Variants in TNN observed in about 807,000 individuals in gnomAD.
TNN encodes the protein tenascin N.
A neutral mutation model predicts 134.4 loss-of-function variants in TNN; 122 were observed. The ratio of observed to expected loss-of-function variants is 0.91; its 90% CI spans 0.78 to 1.06. The LOEUF (loss-of-function observed/expected upper bound fraction) is 1.06, where lower values mean the gene tolerates loss of function less well. Among genes scored for constraint, TNN ranks in the 50% least tolerant of loss-of-function variants. The pLI, the probability that TNN is intolerant of heterozygous loss-of-function variation, is 0.00. For missense variants in TNN, 1,739 were observed against 1,699.4 expected (o/e 1.02, Z -0.41); for synonymous variants, 710 against 670.3 (o/e 1.06, Z -0.91).
chr1:175,132,065 C>A (rs1675688507), intron 15 of TNN, among the ~76,000 whole-genome samples: 1 of 151,922 alleles, frequency 6.6e-6, no homozygotes, highest in African/African-American at 2.4e-5. Flanking sequence ...TTGAGCCTGA[C>A]CTTGTGGTGG....
At chr1:175,105,765 A>T (rs1001164742) in intron 9 of TNN, among the ~76,000 whole-genome samples, 1 of 145,364 alleles carries the variant, frequency 6.9e-6, no homozygotes, top group Non-Finnish European at 1.5e-5. Context: ...ATGCATTTCA[A>T]GGGTGAACCT....
At position 175,098,416 on chromosome 1, in the gene TNN, T is replaced by C. The variant is rs777033120; in HGVS notation, c.1940T>C (p.Ile647Thr). 3 of 1,614,086 alleles carry C rather than the reference T, an allele frequency of 1.9e-6. No individual in the cohort carries two copies. The highest frequency in any genetic ancestry group is 2.5e-6 in the Non-Finnish European group (3 of 1,180,012). ...TCCTGGGACCCGGTGCAGGCCGCCA[T>C]TGACAAGTACGTGGTGCGCTACACC... The part of the protein sequence containing the change: ...TVSWDPVQAA[I>T]DKYVVRYTSA... Residue 647 changes from isoleucine (I) to threonine (T), a missense_variant, in exon 9 of 19, where the codon ATT (isoleucine) becomes ACT (threonine). Physicochemically the swap from Ile to Thr is moderately conservative, Grantham distance 89 (BLOSUM62 -1). Coordinates refer to ENST00000239462, the MANE Select transcript of TNN (RefSeq NM_022093.2).
At chr1:175,146,355 T>C (rs1007011068) in intron 18 of TNN, among the ~76,000 whole-genome samples, 1 of 152,216 alleles carries the variant, frequency 6.6e-6, no homozygotes. Context: ...ATAAAATTGG[T>C]CACTTGGGCT....
intron 6 of TNN, 108 bp downstream of exon 6, chr1:175,085,602 G>A (rs1230140974): frequency 3.6e-6 from 3 of 827,960 alleles, no homozygotes; most frequent in Non-Finnish European, 6.0e-6. Context: ...CAGACAGACG[G>A]GGTGGCTCAC....
intron 9 of TNN, among the ~76,000 whole-genome samples, chr1:175,110,374 T>G (rs1203540174): frequency 1.3e-5 from 2 of 152,256 alleles, no homozygotes; most frequent in African/African-American, 4.8e-5. Flanking sequence ...TTCAGCTTGA[T>G]GTATTTCCAT....
Position 175,077,794 on chromosome 1 carries a change from T to C in TNN, c.376T>C (p.Cys126Arg). The C allele has an allele frequency of 3.1e-6, 5 of 1,613,956 alleles. No homozygotes were observed. Among genetic ancestry groups the C allele is most frequent in the Non-Finnish European group, 4.2e-6 (5 of 1,179,864 alleles). The change falls in exon 2 of 19, where the codon TGT becomes CGT. Residue 126 changes from cysteine (C) to arginine (R), a missense_variant. By Grantham distance (180) the Cys-to-Arg change is radical. Transcript: ENST00000239462. ...EEEMVEMKEQCSAQRCCQGVT... is the reference protein window; with the variant it reads ...EEEMVEMKEQRSAQRCCQGVT... ...AGAGATGGTGGAGATGAAGGAACAG[T>C]GTAGTGCCCAGCGCTGCTGCCAGGG...
In TNN at chr1:175,146,970, A is replaced by AT; in HGVS notation, c.3801dup (p.Pro1268SerfsTer169). ...GCCTTGGAAAGGACATGAATTCTCC[A>AT]TTCCTTACGTGGAGTTGAAAATCCG... On this transcript the variant is annotated frameshift_variant, in exon 19 of 19. Transcript: ENST00000239462. LOFTEE classifies it high-confidence loss of function. The AT allele has an allele frequency of 6.3e-7, 1 of 1,583,796 alleles. No individual in the cohort carries two copies. Among genetic ancestry groups the AT allele is most frequent in the Non-Finnish European group, 8.6e-7 (1 of 1,166,874 alleles).
chr1:175,136,010 G>A (rs1332238645), intron 16 of TNN, 69 bp downstream of exon 16: 2 of 1,197,598 alleles, frequency 1.7e-6, no homozygotes, highest in African/African-American at 3.0e-5. Flanking sequence ...CTAGCTAGGA[G>A]GCTTAGGGAA....
At chr1:175,085,843 C>A (rs893733692) in intron 6 of TNN, among the ~76,000 whole-genome samples, 10 of 138,044 alleles carry the variant, frequency 7.2e-5, no homozygotes, top group Non-Finnish European at 1.4e-4. Flanking sequence ...CATTGCACTC[C>A]AGCCTGGGCA....
intron 6 of TNN, among the ~76,000 whole-genome samples, chr1:175,088,643 GA>G (rs1674372907): frequency 6.6e-6 from 1 of 152,176 alleles, no homozygotes. Context: ...TTTCCTAACA[GA>G]AAGCTTATCT....
intron 7 of TNN, among the ~76,000 whole-genome samples, chr1:175,095,117 T>C (rs1674539985): frequency 6.6e-6 from 1 of 152,226 alleles, no homozygotes; most frequent in Admixed American, 6.5e-5. Flanking sequence ...GCAATGATTT[T>C]TTAGAATGTT....
chr1:175,080,247 A>G lies in TNN; in HGVS notation c.869A>G (p.His290Arg), dbSNP rs767011525. The G allele has an allele frequency of 6.2e-7, 1 of 1,614,084 alleles. No homozygotes were observed. The highest frequency in any genetic ancestry group is 8.5e-7 in the Non-Finnish European group (1 of 1,179,994). ...TGGGAGCCCTCCAGCCAGGTGGATCACTACCTCCTCAGCTACTACCCCCTG... is the reference window on the plus strand; with the variant it reads ...TGGGAGCCCTCCAGCCAGGTGGATCGCTACCTCCTCAGCTACTACCCCCTG... ...VSWEPSSQVD[H>R]YLLSYYPLGK... Residue 290 changes from histidine (H) to arginine (R), a missense_variant, in exon 4 of 19, where the codon CAC becomes CGC. His to Arg is a conservative substitution (Grantham distance 29). Coordinates refer to ENST00000239462, the MANE Select transcript of TNN (RefSeq NM_022093.2).
chr1:175,135,825 G>A lies in TNN; in HGVS notation c.3331-20G>A, dbSNP rs1177566874. The A allele has an allele frequency of 6.3e-7, 1 of 1,596,210 alleles. No individual in the cohort carries two copies. The stretch of plus-strand genomic sequence containing the variant: ...TGTCTGTTTGGAGGGTCAGAGTGAA[G>A]TATTCATCTTCCTTCTCAGGTCTTC... On this transcript the variant is annotated intron_variant, in intron 15 of 18. Transcript: ENST00000239462.
chr1:175,098,195 C>T (rs1674618756), intron 8 of TNN, 137 bp from the exon 9 acceptor site: 1 of 1,262,776 alleles, frequency 7.9e-7, no homozygotes, highest in African/African-American at 1.5e-5. Flanking sequence ...TCCTTAGACT[C>T]CCAGCGGAGA....
intron 11 of TNN, among the ~76,000 whole-genome samples, chr1:175,122,324 G>C (rs1337031175): frequency 6.6e-6 from 1 of 152,184 alleles, no homozygotes; most frequent in East Asian, 1.9e-4. Flanking sequence ...GGAGGTCAAG[G>C]CTGCAGTGAC....
At chr1:175,131,242 A>G (rs1675667263) in intron 15 of TNN, among the ~76,000 whole-genome samples, 1 of 152,236 alleles carries the variant, frequency 6.6e-6, no homozygotes, top group East Asian at 1.9e-4. Flanking sequence ...ATCAGGGAAC[A>G]CTTAATGTTT....
In TNN at chr1:175,123,540, G is replaced by A. The variant is rs572708989; in HGVS notation, c.2791G>A (p.Val931Met). 1.2e-5 allele frequency: 19 copies of A among 1,613,950 alleles called. No individual in the cohort carries two copies. In the South Asian group the frequency reaches 1.5e-4, roughly 13 times the overall value. ...TGACGGAGAGACCAGGGAGGTTCCG[G>A]TGGGGAAGGAGCACAGCAGCACTGT... is the stretch of plus-strand genomic sequence containing the variant. ...SADGETREVP[V>M]GKEHSSTVLT... Residue 931 changes from valine (V) to methionine (M), a missense_variant, in exon 12 of 19, where the codon GTG becomes ATG. By Grantham distance (21) the Val-to-Met change is conservative. Coordinates refer to ENST00000239462, the MANE Select transcript of TNN (RefSeq NM_022093.2).
At chr1:175,094,509 A>G (rs1249864682) in intron 7 of TNN, among the ~76,000 whole-genome samples, 1 of 152,212 alleles carries the variant, frequency 6.6e-6, no homozygotes, top group Non-Finnish European at 1.5e-5. Flanking sequence ...CCCCCTCAGA[A>G]TAGAGTAACA....
intron 15 of TNN, among the ~76,000 whole-genome samples, chr1:175,131,605 T>A (rs1217108166): frequency 6.6e-6 from 1 of 152,202 alleles, no homozygotes; most frequent in Non-Finnish European, 1.5e-5. Context: ...TCAGTTCATT[T>A]GGAAACTGAT....
Sources: allele counts gnomAD v4.1 joint callset (sites outside exome capture counted in the v4.1 genomes callset), GRCh38; gene constraint gnomAD v4.1.1; transcripts MANE v1.5; gene names NCBI Gene and HGNC (gene_info 2026-07-23, HGNC 2026-07-21).